The following UNK variants were observed in gnomAD, a reference collection of about 807,000 sequenced individuals.
UNK encodes the protein RING finger protein unkempt homolog.
A neutral mutation model predicts 97.6 loss-of-function variants in UNK; 32 were observed. That is an observed-to-expected ratio of 0.33 (90% CI 0.25 to 0.44). The LOEUF (loss-of-function observed/expected upper bound fraction) is 0.44, where lower values mean the gene tolerates loss of function less well. Ranked by LOEUF, UNK falls within the 20% of genes least tolerant of loss-of-function variation. The pLI, the probability that UNK is intolerant of heterozygous loss-of-function variation, is 1.00. For missense variants in UNK, 771 were observed against 1,098.4 expected (o/e 0.70, Z 4.21); for synonymous variants, 441 against 461.2 (o/e 0.96, Z 0.56).
chr17:75,825,486 C>T lies in UNK; in HGVS notation c.*1069C>T, dbSNP rs941867046. On this transcript the variant is annotated 3_prime_UTR_variant, in exon 16 of 16. Coordinates refer to ENST00000589666, the MANE Select transcript of UNK (RefSeq NM_001080419.3). This position sits in a 1 kb window ranked among gnomAD's most constrained non-coding sequence, Gnocchi z 4.4. ...GGTGTCCCGCCCTGTTCTGGGCGGACGCCTGTGTGCGTGTGTGTGTGCCTG... is the reference window on the plus strand; with the variant it reads ...GGTGTCCCGCCCTGTTCTGGGCGGATGCCTGTGTGCGTGTGTGTGTGCCTG... 4 of 152,776 alleles carry T rather than the reference C, an allele frequency of 2.6e-5. No homozygotes were observed. The highest frequency in any genetic ancestry group is 7.2e-5 in the African/African-American group (3 of 41,572). The allele number at this position is 152,776 out of a possible 1,614,324, so 9.5% of individuals were successfully genotyped here.
Position 75,818,859 on chromosome 17 carries a change from G to A in UNK, c.1546+43G>A, listed in dbSNP as rs1425731171. 1 of 1,511,740 alleles carries A rather than the reference G, an allele frequency of 6.6e-7. No homozygotes were observed. Among genetic ancestry groups the A allele is most frequent in the Non-Finnish European group, 8.9e-7 (1 of 1,125,804 alleles). The allele number at this position is 1,511,740 out of a possible 1,614,324, so 93.6% of individuals were successfully genotyped here. Reference sequence around the variant, plus strand: ...GTTTGAAAGCCCAGGACTGGGTCTGGGGTCAGAGACCCCCCAGTCTCTGAA... The same window carrying A: ...GTTTGAAAGCCCAGGACTGGGTCTGAGGTCAGAGACCCCCCAGTCTCTGAA... On this transcript the variant is annotated intron_variant, in intron 11 of 15. Coordinates refer to ENST00000589666, the MANE Select transcript of UNK (RefSeq NM_001080419.3). This position sits in a 1 kb window ranked among gnomAD's most constrained non-coding sequence, Gnocchi z 5.1.
At chr17:75,806,777 AAATAAT>A (rs1014249029) in intron 1 of UNK, among the ~76,000 whole-genome samples, 13 of 152,206 alleles carry the variant, frequency 8.5e-5, no homozygotes, top group Admixed American at 7.9e-4. Flanking sequence ...CGTCTCAAAA[AAATAAT>A]AATAATAGTA....
intron 1 of UNK, among the ~76,000 whole-genome samples, chr17:75,799,287 C>T (rs1233615298): frequency 1.3e-5 from 2 of 152,132 alleles, no homozygotes; most frequent in African/African-American, 4.8e-5. Context: ...GCCTGGGTGA[C>T]AGAATGAGAC....
chr17:75,816,462 T>C lies in UNK; in HGVS notation c.962-308T>C, dbSNP rs1413359173. 6.6e-6 allele frequency among the ~76,000 whole-genome samples: 1 copy of C among 152,222 alleles called. No individual in the cohort carries two copies. Among genetic ancestry groups the C allele is most frequent in the African/African-American group, 2.4e-5 (1 of 41,458 alleles). ...AGATCAGCGTTCAAGACCCAGCTCC[T>C]CTGTGTTTTAGCTCTGTCACTTTGG... On this transcript the variant is annotated intron_variant, in intron 7 of 15. Transcript: ENST00000589666. The surrounding 1 kb of genome is among the most constrained non-coding windows in gnomAD (Gnocchi z 4.0).
chr17:75,804,920 G>A (rs1219892461), intron 1 of UNK, among the ~76,000 whole-genome samples: 2 of 151,216 alleles, frequency 1.3e-5, no homozygotes, highest in African/African-American at 2.4e-5. Flanking sequence ...TTGGCCGGGT[G>A]CAGTGGCTCA....
intron 1 of UNK, among the ~76,000 whole-genome samples, chr17:75,795,847 C>T (rs534116122): frequency 6.6e-6 from 1 of 152,318 alleles, no homozygotes; most frequent in African/African-American, 2.4e-5. Flanking sequence ...ATTGCACACC[C>T]TTCCTGGCTC....
Position 75,809,869 on chromosome 17 carries a change from C to T in UNK, c.214C>T (p.Arg72Cys). ...FHWHFVNQRR[R>C]RSIRRRDGTF... ...CTGGCACTTCGTGAACCAGCGGCGCCGCCGGTCCATCCGCCGTCGGGACGG... is the reference window on the plus strand; with the variant it reads ...CTGGCACTTCGTGAACCAGCGGCGCTGCCGGTCCATCCGCCGTCGGGACGG... The change falls in exon 2 of 16, where the codon CGC becomes TGC. Residue 72 changes from arginine (R) to cysteine (C), a missense_variant. By Grantham distance (180) the Arg-to-Cys change is radical. Transcript: ENST00000589666. The T allele has an allele frequency of 6.2e-7, 1 of 1,613,912 alleles. No homozygotes were observed. The highest frequency in any genetic ancestry group is 8.5e-7 in the Non-Finnish European group (1 of 1,179,898).
At position 75,787,049 on chromosome 17, in the gene UNK, T is replaced by C. The variant is rs564230817; in HGVS notation, c.104+2065T>C. Among the ~76,000 whole-genome samples, 7 of 152,262 alleles carry C rather than the reference T, an allele frequency of 4.6e-5. No individual in the cohort carries two copies. The East Asian group carries it at 9.6e-4, about 21-fold the overall frequency. ...ATATGTATGTGTGTTTTTATATTTG[T>C]ATTTCCAAAAATCAGAGATAGAAAT... On this transcript the variant is annotated intron_variant, in intron 1 of 15. Coordinates refer to ENST00000589666, the MANE Select transcript of UNK (RefSeq NM_001080419.3).
chr17:75,803,125 G>A (rs1332821449), intron 1 of UNK, among the ~76,000 whole-genome samples: 1 of 51,482 alleles, frequency 1.9e-5, no homozygotes, highest in Non-Finnish European at 3.2e-5. Context: ...CAGGCCGGAC[G>A]CGGTGGCTCA....
At chr17:75,815,337 C>A in intron 7 of UNK, 84 bp downstream of exon 7, 1 of 1,337,716 alleles carries the variant, frequency 7.5e-7, no homozygotes, top group Non-Finnish European at 1.0e-6. Flanking sequence ...CGGGGATGGC[C>A]CCTGGCAGTA....
rs371568154 is a variant in UNK at position 75,817,295 on chromosome 17, C to T, written c.1105-31C>T. On this transcript the variant is annotated intron_variant, in intron 8 of 15. Transcript: ENST00000589666. The surrounding 1 kb of genome is among the most constrained non-coding windows in gnomAD (Gnocchi z 5.8). ...CACGCACCAGCCTGCGCTGTGCCCA[C>T]GGGCCCACTCCCTCCCCTCCTTCTC... 2.6e-4 allele frequency: 398 copies of T among 1,535,986 alleles called. No individual in the cohort carries two copies. Among genetic ancestry groups the T allele is most frequent in the Non-Finnish European group, 3.2e-4 (363 of 1,140,034 alleles).
Position 75,819,654 on chromosome 17 carries a change from A to G in UNK, c.1547-30A>G. 1.2e-6 allele frequency: 2 copies of G among 1,606,274 alleles called. No individual in the cohort carries two copies. The highest frequency in any genetic ancestry group is 2.2e-5 in the South Asian group (2 of 90,926). On this transcript the variant is annotated intron_variant, in intron 11 of 15. Coordinates refer to ENST00000589666, the MANE Select transcript of UNK (RefSeq NM_001080419.3). The surrounding 1 kb of genome is among the most constrained non-coding windows in gnomAD (Gnocchi z 5.4). The stretch of plus-strand genomic sequence containing the variant: ...GGTCAGGGTCAGATAGTCCCTCGGG[A>G]GGTCACATCCCACTCTTCTCTGTCC...
chr17:75,804,490 C>A (rs2061892205), intron 1 of UNK, among the ~76,000 whole-genome samples: 1 of 151,820 alleles, frequency 6.6e-6, no homozygotes, highest in Non-Finnish European at 1.5e-5. Flanking sequence ...ATCTGCGCAA[C>A]TGAGTTTATG....
intron 1 of UNK, among the ~76,000 whole-genome samples, chr17:75,804,699 G>C (rs920299547): frequency 6.6e-6 from 1 of 151,850 alleles, no homozygotes; most frequent in Non-Finnish European, 1.5e-5. Flanking sequence ...AATTAGCCAG[G>C]TGTGGTCACG....
intron 14 of UNK, among the ~76,000 whole-genome samples, 186 bp downstream of exon 14, chr17:75,822,844 A>G (rs1293735764): frequency 1.3e-5 from 2 of 152,206 alleles, no homozygotes. Context: ...CTGGGTGGTT[A>G]CTGTTGTTGC....
chr17:75,810,498 G>A (rs2061958849), intron 2 of UNK, among the ~76,000 whole-genome samples: 1 of 152,162 alleles, frequency 6.6e-6, no homozygotes, highest in Non-Finnish European at 1.5e-5. Context: ...ACCTGGGAGT[G>A]TCACCGACGG....
intron 1 of UNK, among the ~76,000 whole-genome samples, chr17:75,788,871 C>T (rs374791155): frequency 1.2e-4 from 19 of 152,306 alleles, no homozygotes; most frequent in African/African-American, 4.6e-4. Flanking sequence ...AATTAGGTAA[C>T]ATGCTGTAGT....
chr17:75,822,347 G>T (rs2062076531), intron 13 of UNK, 130 bp from the exon 14 acceptor site: 2 of 1,166,500 alleles, frequency 1.7e-6, no homozygotes, highest in Non-Finnish European at 2.4e-6. Context: ...AAATTCTCTG[G>T]CCTGACACTA....
chr17:75,808,806 A>T (rs1357028671), intron 1 of UNK: 1 of 152,252 alleles, frequency 6.6e-6, no homozygotes, highest in Admixed American at 6.6e-5. Context: ...GGGGCAGGGG[A>T]GCCCAGTCTA....
Sources: allele counts gnomAD v4.1 joint callset (sites outside exome capture counted in the v4.1 genomes callset), GRCh38; gene constraint gnomAD v4.1.1; non-coding constraint Gnocchi (gnomAD v3.1); transcripts MANE v1.5; gene names NCBI Gene and HGNC (gene_info 2026-07-23, HGNC 2026-07-21).